The following GJB2 variants were observed in gnomAD, a reference collection of about 807,000 sequenced individuals.
GJB2 encodes the protein gap junction beta-2 protein.
GJB2 carries 30 observed loss-of-function variants against 16.0 expected under a neutral mutation model. The observed-to-expected ratio is 1.88, with a 90% CI of 1.41 to 2.55. GJB2 has a LOEUF of 2.55. GJB2 is among the 30% of genes most tolerant of loss of function. The pLI, the probability that GJB2 is intolerant of heterozygous loss-of-function variation, is 0.00. For synonymous variants in GJB2, 123 were observed against 119.1 expected (o/e 1.03, Z -0.21); for missense variants, 284 against 289.7 (o/e 0.98, Z 0.14).
At chr13:20,190,353 G>T (rs1377849652) in intron 1 of GJB2, among the ~76,000 whole-genome samples, 1 of 152,220 alleles carries the variant, frequency 6.6e-6, no homozygotes, top group Non-Finnish European at 1.5e-5. Context: ...TTTCGTGTAG[G>T]CTTTGTGGAT....
chr13:20,190,593 A>G (rs879782418), intron 1 of GJB2, among the ~76,000 whole-genome samples: 6 of 152,118 alleles, frequency 3.9e-5, no homozygotes, highest in Admixed American at 1.3e-4. Context: ...AGAGTCCCAC[A>G]CTCCTTACTG....
Position 20,188,819 on chromosome 13 carries a change from C to T in GJB2, c.*82G>A, listed in dbSNP as rs1411390948. On this transcript the variant is annotated 3_prime_UTR_variant, in exon 2 of 2. Coordinates refer to ENST00000382848, the MANE Select transcript of GJB2 (RefSeq NM_004004.6). Reference sequence around the variant, plus strand: ...GAATCTTTGTGTTGGGAAATGCTAGCGACTGAGCCTTGACAGCTGAGCACG... The same window carrying T: ...GAATCTTTGTGTTGGGAAATGCTAGTGACTGAGCCTTGACAGCTGAGCACG... 16 of 1,105,186 alleles carry T rather than the reference C, an allele frequency of 1.4e-5. 1 individual carries two copies. Among genetic ancestry groups the T allele is most frequent in the South Asian group, 6.2e-5 (5 of 80,020 alleles). The allele number at this position is 1,105,186 out of a possible 1,614,324, so 68.5% of individuals were successfully genotyped here. A position where few individuals can be genotyped will look rare whatever the true frequency, so the allele number is the denominator to read the frequency against.
In GJB2 at chr13:20,188,029, G is replaced by T. The variant is rs1235853477; in HGVS notation, c.*872C>A. 6.6e-6 allele frequency: 1 copy of T among 152,196 alleles called. No individual in the cohort carries two copies. Among genetic ancestry groups the T allele is most frequent in the Non-Finnish European group, 1.5e-5 (1 of 68,040 alleles). 9.4% of individuals were successfully genotyped at this position (152,196 alleles called of 1,614,324 possible). On this transcript the variant is annotated 3_prime_UTR_variant, in exon 2 of 2. Coordinates refer to ENST00000382848, the MANE Select transcript of GJB2 (RefSeq NM_004004.6). ...GTGTTGGACAGGCCTGTCATTACAG[G>T]TAGTAGTTGGTGGTACATCCAGTCT... is the stretch of plus-strand genomic sequence containing the variant.
At chr13:20,191,492 G>A (rs912211544) in intron 1 of GJB2, among the ~76,000 whole-genome samples, 2 of 152,214 alleles carry the variant, frequency 1.3e-5, no homozygotes, top group African/African-American at 4.8e-5. Flanking sequence ...AGCTTGAGTT[G>A]AAGCTACCTG....
intron 1 of GJB2, among the ~76,000 whole-genome samples, chr13:20,191,198 C>T (rs1231766004): frequency 6.6e-6 from 1 of 152,154 alleles, no homozygotes; most frequent in Non-Finnish European, 1.5e-5. Context: ...AACAGCAGAA[C>T]CACCGAGGAC....
intron 1 of GJB2, among the ~76,000 whole-genome samples, chr13:20,192,125 T>A (rs1372900861): frequency 6.6e-6 from 1 of 152,120 alleles, no homozygotes; most frequent in African/African-American, 2.4e-5. Context: ...CACCACCTCT[T>A]CGCGAACAAG....
Position 20,188,985 on chromosome 13 carries a change from A to T in GJB2, c.597T>A (p.Ser199=), listed in dbSNP as rs984555255. 4 of 1,614,050 alleles carry T rather than the reference A, an allele frequency of 2.5e-6. No individual in the cohort carries two copies. In the Admixed American group the frequency reaches 6.7e-5, roughly 27 times the overall value. The change falls in exon 2 of 2, where the codon TCT becomes TCA. Residue 199 remains serine (S), a synonymous_variant. Coordinates refer to ENST00000382848, the MANE Select transcript of GJB2 (RefSeq NM_004004.6). ...TGACATTCAGCAGGATGCAAATTCC[A>T]GACACTGCAATCATGAACACTGTGA... is the stretch of plus-strand genomic sequence containing the variant. ...TVFTVFMIAV[S]GICILLNVTE...
chr13:20,190,180 T>C (rs149321155), intron 1 of GJB2, among the ~76,000 whole-genome samples: 2 of 152,382 alleles, frequency 1.3e-5, no homozygotes, highest in African/African-American at 4.8e-5. Context: ...GAATGAATTT[T>C]CACAGACGTG....
In GJB2 at chr13:20,189,351, C is replaced by T. The variant is rs80338944; in HGVS notation, c.231G>A (p.Trp77Ter). 167 of 1,614,054 alleles carry T rather than the reference C, an allele frequency of 1.0e-4. No individual in the cohort carries two copies. In the South Asian group the frequency reaches 1.8e-3, roughly 17 times the overall value. Reference sequence around the variant, plus strand: ...TGGACACGAAGATCAGCTGCAGGGCCCATAGCCGGATGTGGGAGATGGGGA... The same window carrying T: ...TGGACACGAAGATCAGCTGCAGGGCTCATAGCCGGATGTGGGAGATGGGGA... ...HYFPISHIRL[W>*]ALQLIFVSTP... The change falls in exon 2 of 2, where the codon TGG (tryptophan) becomes TGA (stop). Residue 77 changes from tryptophan (W) to a stop codon, truncating the protein, a stop_gained. Coordinates refer to ENST00000382848, the MANE Select transcript of GJB2 (RefSeq NM_004004.6). LOFTEE classifies it high-confidence loss of function.
At chr13:20,189,661 C>G (rs1253059846) in intron 1 of GJB2, 58 bp from the exon 2 acceptor site, 4 of 1,297,020 alleles carry the variant, frequency 3.1e-6, no homozygotes, top group Admixed American at 3.4e-5. Flanking sequence ...AACAGGGAGA[C>G]TTCTCTGAGT....
chr13:20,188,932 T>C lies in GJB2; in HGVS notation c.650A>G (p.Tyr217Cys), dbSNP rs150217043. 7 of 1,613,372 alleles carry C rather than the reference T, an allele frequency of 4.3e-6. No individual in the cohort carries two copies. The African/African-American group carries it at 9.3e-5, about 22-fold the overall frequency. ...VTELCYLLIR[Y>C]CSGKSKKPV is the part of the protein sequence containing the mutation. ...TGGCTTTTTTGACTTCCCAGAACAA[T>C]ATCTAATTAGCAAATAACACAATTC... is the stretch of plus-strand genomic sequence containing the variant. Residue 217 changes from tyrosine (Y) to cysteine (C), a missense_variant, in exon 2 of 2, where the codon TAT (tyrosine) becomes TGT (cysteine). Transcript: ENST00000382848.
rs1959058122 is a variant in GJB2 at position 20,189,176 on chromosome 13, AG to A, written c.405del (p.Tyr136ThrfsTer32). Reference sequence around the variant, plus strand: ...ACCCGGAAGAAGATGCTGCTTGTGTAGGTCCACCACAGGGAGCCTTCGATGC... The same window carrying A: ...ACCCGGAAGAAGATGCTGCTTGTGTAGTCCACCACAGGGAGCCTTCGATGC... ...KVRIEGSLWW[T>X]YTSSIFFRVI... On this transcript the variant is annotated frameshift_variant, in exon 2 of 2. Coordinates refer to ENST00000382848, the MANE Select transcript of GJB2 (RefSeq NM_004004.6). LOFTEE classifies it high-confidence loss of function. 1.9e-6 allele frequency: 3 copies of A among 1,613,986 alleles called. No individual in the cohort carries two copies. Among genetic ancestry groups the A allele is most frequent in the African/African-American group, 2.7e-5 (2 of 74,946 alleles).
intron 1 of GJB2, 148 bp from the exon 2 acceptor site, chr13:20,189,751 G>A (rs1959065701): frequency 1.4e-6 from 1 of 697,894 alleles, no homozygotes; most frequent in Admixed American, 2.1e-5. Flanking sequence ...GGTGAAGACA[G>A]AACCAACTTA....
At chr13:20,191,690 C>CA (rs1959077676) in intron 1 of GJB2, among the ~76,000 whole-genome samples, 1 of 152,230 alleles carries the variant, frequency 6.6e-6, no homozygotes, top group Non-Finnish European at 1.5e-5. Context: ...GGGCCCACGC[C>CA]ATCCTGCACC....
Position 20,189,396 on chromosome 13 carries a change from G to A in GJB2, c.186C>T (p.Asn62=), listed in dbSNP as rs397516869. Residue 62 remains asparagine (N), a synonymous_variant, in exon 2 of 2, where the codon AAC becomes AAT. Transcript: ENST00000382848. ...VCNTLQPGCK[N]VCYDHYFPIS... is the part of the protein sequence containing the mutation. ...TGGGGAAGTAGTGATCGTAGCACAC[G>A]TTCTTGCAGCCTGGCTGCAGGGTGT... 153 of 1,613,214 alleles carry A rather than the reference G, an allele frequency of 9.5e-5. No homozygotes were observed. The Admixed American group carries it at 1.4e-3, about 15-fold the overall frequency.
Position 20,188,164 on chromosome 13 carries a change from G to A in GJB2, c.*737C>T, listed in dbSNP as rs1566527821. ...CTCACTCGATTGAGGCTACAATGTT[G>A]TTAGGTGCTATGACCACAATGAATA... On this transcript the variant is annotated 3_prime_UTR_variant, in exon 2 of 2. Coordinates refer to ENST00000382848, the MANE Select transcript of GJB2 (RefSeq NM_004004.6). 1 of 152,228 alleles carries A rather than the reference G, an allele frequency of 6.6e-6. No individual in the cohort carries two copies. Among genetic ancestry groups the A allele is most frequent in the East Asian group, 1.9e-4 (1 of 5,206 alleles). 9.4% of individuals were successfully genotyped at this position (152,228 alleles called of 1,614,324 possible).
In GJB2 at chr13:20,188,768, G is replaced by A. The variant is rs774107664; in HGVS notation, c.*133C>T. ...GGAGTTTCACCTGAGGCCTACAGGGGTTTCAAATGGTTGCATTTAAGGTCA... is the reference window on the plus strand; with the variant it reads ...GGAGTTTCACCTGAGGCCTACAGGGATTTCAAATGGTTGCATTTAAGGTCA... On this transcript the variant is annotated 3_prime_UTR_variant, in exon 2 of 2. Coordinates refer to ENST00000382848, the MANE Select transcript of GJB2 (RefSeq NM_004004.6). The A allele has an allele frequency of 4.1e-6, 3 of 739,506 alleles. No individual in the cohort carries two copies. Among genetic ancestry groups the A allele is most frequent in the Non-Finnish European group, 7.1e-6 (3 of 422,106 alleles). 45.8% of individuals were successfully genotyped at this position (739,506 alleles called of 1,614,324 possible).
chr13:20,191,332 G>A (rs181566384), intron 1 of GJB2, among the ~76,000 whole-genome samples: 83 of 152,250 alleles, frequency 5.5e-4, no homozygotes, highest in Non-Finnish European at 1.8e-4. Flanking sequence ...AATACACCTG[G>A]CCAAGAATAT....
At chr13:20,192,160 C>A (rs1593353221) in intron 1 of GJB2, among the ~76,000 whole-genome samples, 2 of 152,132 alleles carry the variant, frequency 1.3e-5, no homozygotes, top group Admixed American at 6.5e-5. Flanking sequence ...TCCTTCTAGG[C>A]GGGGAGCACA....
Sources: gnomAD v4.1 joint callset for allele counts (sites outside exome capture counted in the v4.1 genomes callset) on GRCh38, gnomAD v4.1.1 for gene constraint, MANE v1.5 for transcripts, NCBI Gene and HGNC (gene_info 2026-07-23, HGNC 2026-07-21) for gene names.